TEX15: variants seen among roughly 807,000 people sequenced by gnomAD.
The protein encoded by TEX15 is testis-expressed protein 15.
A neutral mutation model predicts 237.3 loss-of-function variants in TEX15; 171 were observed. The observed-to-expected ratio is 0.72, with a 90% CI of 0.64 to 0.82. The LOEUF is 0.82. Ranked by LOEUF, TEX15 falls within the 40% of genes least tolerant of loss-of-function variation. TEX15 has a pLI of 0.00. For synonymous variants in TEX15, 1,338 were observed against 1,269.8 expected, an observed-to-expected ratio of 1.05 and a Z score of -1.14; for missense variants, 3,750 against 3,646.5, an observed-to-expected ratio of 1.03 and a Z score of -0.73.
At chr8:30,895,676 C>CTTTTT (rs34002027) in intron 2 of TEX15, among the ~76,000 whole-genome samples, 4,317 of 59,962 alleles carry the variant, frequency 0.072, 1,067 homozygotes, top group African/African-American at 0.22. Flanking sequence ...TAAACACATG[C>CTTTTT]TTTTTTTTTT....
At chr8:30,904,446 CAAAA>C (rs200542503) in intron 1 of TEX15, among the ~76,000 whole-genome samples, 3 of 102,020 alleles carry the variant, frequency 2.9e-5, no homozygotes, top group Non-Finnish European at 4.2e-5. Context: ...GACTCCGTCT[CAAAA>C]AAAAAAAAAA....
intron 1 of TEX15, among the ~76,000 whole-genome samples, chr8:30,899,061 T>C (rs2128778619): frequency 6.6e-6 from 1 of 152,230 alleles, no homozygotes; most frequent in Non-Finnish European, 1.5e-5. Context: ...AGCTTTTCTC[T>C]TTTTCTTCCC....
intron 3 of TEX15, among the ~76,000 whole-genome samples, chr8:30,886,691 T>A (rs1808653236): frequency 6.6e-6 from 1 of 152,184 alleles, no homozygotes; most frequent in Admixed American, 6.5e-5. Flanking sequence ...GAGGGGTATA[T>A]TTAATGTCAA....
In TEX15 at chr8:30,848,580, T is replaced by C. The variant is rs777483660; in HGVS notation, c.1587A>G (p.Ala529=). The C allele has an allele frequency of 1.2e-6, 2 of 1,614,130 alleles. No individual in the cohort carries two copies. Among genetic ancestry groups the C allele is most frequent in the Admixed American group, 1.7e-5 (1 of 60,020 alleles). Reference sequence around the variant, plus strand: ...AATTACCTTGGTCCTTACATTGCCCTGCCATGGTAACTTTATTGGGAGGTA... The same window carrying C: ...AATTACCTTGGTCCTTACATTGCCCCGCCATGGTAACTTTATTGGGAGGTA... ...DCIPPNKVTM[A]GQCKDQGNFS... The change falls in exon 8 of 11, where the codon GCA becomes GCG. Residue 529 remains alanine, a synonymous_variant. Transcript: ENST00000643185.
chr8:30,878,729 T>A (rs923180431), intron 3 of TEX15, among the ~76,000 whole-genome samples: 5 of 152,182 alleles, frequency 3.3e-5, no homozygotes, highest in African/African-American at 7.2e-5. Flanking sequence ...CTTGCTATGT[T>A]GCTCAGGATG....
intron 1 of TEX15, among the ~76,000 whole-genome samples, chr8:30,912,081 G>A (rs1450357277): frequency 1.3e-5 from 2 of 152,194 alleles, no homozygotes; most frequent in Non-Finnish European, 2.9e-5. Flanking sequence ...CCTGCAGTCG[G>A]GGGACGCTCC....
At position 30,884,617 on chromosome 8, in the gene TEX15, G is replaced by A. The variant is rs116414111; in HGVS notation, c.136+2550C>T. Among the ~76,000 whole-genome samples, 532 of 152,110 alleles carry A rather than the reference G, an allele frequency of 3.5e-3. 4 individuals carry two copies. The highest frequency in any genetic ancestry group is 0.013 in the African/African-American group (523 of 41,510). ...TTTCATCTAGGTCACCAAATTTATG[G>A]GCCCAGAGTTGTTCATAGTATCCCT... On this transcript the variant is annotated intron_variant, in intron 3 of 10. Transcript: ENST00000643185.
At chr8:30,833,860 T>C (rs1210354591) in intron 10 of TEX15, among the ~76,000 whole-genome samples, 2 of 152,202 alleles carry the variant, frequency 1.3e-5, no homozygotes, top group Non-Finnish European at 2.9e-5. Context: ...TTTATTTTAA[T>C]TGGACTAATA....
chr8:30,838,060 TC>T lies in TEX15; in HGVS notation c.8223del (p.Thr2742LeufsTer12). 1 of 1,600,762 alleles carries T rather than the reference TC, an allele frequency of 6.2e-7. No homozygotes were observed. Among genetic ancestry groups the T allele is most frequent in the Non-Finnish European group, 8.5e-7 (1 of 1,175,736 alleles). ...NREKATFKHPRTTGSHPKSEN... is the reference protein window; with the variant it reads ...NREKATFKHPXTTGSHPKSEN... ...TCGCTTTTGGGATGAGATCCTGTAGTCCTATTAGGTGCAACACATACATAAA... is the reference window on the plus strand; with the variant it reads ...TCGCTTTTGGGATGAGATCCTGTAGTCTATTAGGTGCAACACATACATAAA... On this transcript the variant is annotated frameshift_variant and splice_region_variant, in exon 10 of 11. Coordinates refer to ENST00000643185, the MANE Select transcript of TEX15 (RefSeq NM_001350162.2). LOFTEE classifies it high-confidence loss of function.
intron 7 of TEX15, among the ~76,000 whole-genome samples, chr8:30,849,599 T>C (rs1425881429): frequency 6.6e-6 from 1 of 151,862 alleles, no homozygotes; most frequent in African/African-American, 2.4e-5. Context: ...AAATGACAAA[T>C]AATAGAAAAA....
At position 30,843,217 on chromosome 8, in the gene TEX15, G is replaced by C; in HGVS notation, c.6950C>G (p.Thr2317Ser). ...AFSKLQKIYD[T>S]LSKDLNNEPI... ...TTCATTGTTTAAATCTTTAGACAAA[G>C]TATCATATATCTTCTGCAACTTAGA... Residue 2317 changes from threonine (T) to serine (S), a missense_variant, in exon 8 of 11, where the codon ACT (threonine) becomes AGT (serine). Thr to Ser is a moderately conservative substitution (Grantham distance 58). Coordinates refer to ENST00000643185, the MANE Select transcript of TEX15 (RefSeq NM_001350162.2). 1 of 1,613,444 alleles carries C rather than the reference G, an allele frequency of 6.2e-7. No homozygotes were observed. Among genetic ancestry groups the C allele is most frequent in the Non-Finnish European group, 8.5e-7 (1 of 1,179,650 alleles).
intron 2 of TEX15, among the ~76,000 whole-genome samples, chr8:30,895,925 C>T (rs2128777980): frequency 6.6e-6 from 1 of 152,168 alleles, no homozygotes; most frequent in East Asian, 1.9e-4. Context: ...GTGATCCATC[C>T]ACCTTGGCCT....
chr8:30,835,626 T>G (rs1281671092), intron 10 of TEX15, among the ~76,000 whole-genome samples: 1 of 152,188 alleles, frequency 6.6e-6, no homozygotes, highest in Non-Finnish European at 1.5e-5. Flanking sequence ...GATGGTTATT[T>G]TTATTTAAAG....
intron 8 of TEX15, among the ~76,000 whole-genome samples, chr8:30,841,457 TATAAA>T (rs1197369334): frequency 6.6e-6 from 1 of 152,234 alleles, no homozygotes; most frequent in Non-Finnish European, 1.5e-5. Context: ...AGGGGTTGTG[TATAAA>T]ATAAATCAGT....
Position 30,891,819 on chromosome 8 carries a change from C to T in TEX15, c.-9-4508G>A, listed in dbSNP as rs1808800933. Among the ~76,000 whole-genome samples, 7 of 152,184 alleles carry T rather than the reference C, an allele frequency of 4.6e-5. No individual in the cohort carries two copies. In the South Asian group the frequency reaches 1.4e-3, roughly 31 times the overall value. ...CTAAGTATATTTATTGGTCATGTTT[C>T]CACATCTGTGAAATACCCATTCAAG... is the stretch of plus-strand genomic sequence containing the variant. On this transcript the variant is annotated intron_variant, in intron 2 of 10. Coordinates refer to ENST00000643185, the MANE Select transcript of TEX15 (RefSeq NM_001350162.2).
At chr8:30,895,676 C>CG (rs1808888987) in intron 2 of TEX15, among the ~76,000 whole-genome samples, 1 of 60,060 alleles carries the variant, frequency 1.7e-5, no homozygotes, top group Non-Finnish European at 2.7e-5. Flanking sequence ...TAAACACATG[C>CG]TTTTTTTTTT....
At chr8:30,869,169 G>T (rs1218770763) in intron 4 of TEX15, among the ~76,000 whole-genome samples, 2 of 151,800 alleles carry the variant, frequency 1.3e-5, no homozygotes, top group Non-Finnish European at 2.9e-5. Context: ...TTGCATAAAA[G>T]GTTGGCTTTC....
At chr8:30,861,589 T>C (rs566625103) in intron 5 of TEX15, among the ~76,000 whole-genome samples, 2 of 152,292 alleles carry the variant, frequency 1.3e-5, no homozygotes, top group South Asian at 2.1e-4. Context: ...GGTGTGACAA[T>C]GTTAGTTTCT....
At chr8:30,903,695 T>G (rs954041262) in intron 1 of TEX15, among the ~76,000 whole-genome samples, 2 of 152,198 alleles carry the variant, frequency 1.3e-5, no homozygotes, top group Non-Finnish European at 2.9e-5. Context: ...AGCCCAAGCA[T>G]TAAATATAAC....
Sources: gnomAD v4.1 joint callset for allele counts (sites outside exome capture counted in the v4.1 genomes callset) on GRCh38, gnomAD v4.1.1 for gene constraint, MANE v1.5 for transcripts, NCBI Gene and HGNC (gene_info 2026-07-23, HGNC 2026-07-21) for gene names.